Variants in NOTCH2 observed in about 807,000 individuals in gnomAD.
NOTCH2 encodes the protein notch receptor 2, also known as neurogenic locus notch homolog protein 2.
In NOTCH2, 29 loss-of-function variants were observed where a neutral mutation model predicts 235.8. That is an observed-to-expected ratio of 0.12 (90% CI 0.09 to 0.17). The LOEUF (loss-of-function observed/expected upper bound fraction) is 0.17, where lower values mean the gene tolerates loss of function less well. Ranked by LOEUF, NOTCH2 falls within the 10% of genes least tolerant of loss-of-function variation. NOTCH2 has a pLI of 1.00. For missense variants in NOTCH2, 2,285 were observed against 3,150.2 expected (o/e 0.73, Z 6.57); for synonymous variants, 1,086 against 1,141.5 (o/e 0.95, Z 0.98).
At chr1:119,942,873 CTTTT>C (rs587671333) in intron 17 of NOTCH2, among the ~76,000 whole-genome samples, 243 of 128,760 alleles carry the variant, frequency 1.9e-3, no homozygotes, top group African/African-American at 6.8e-3. Flanking sequence ...GTCCATATGT[CTTTT>C]TTTTTTTTTT....
At chr1:119,951,285 G>A (rs1553197783) in intron 14 of NOTCH2, among the ~76,000 whole-genome samples, 1 of 152,138 alleles carries the variant, frequency 6.6e-6, no homozygotes, top group East Asian at 1.9e-4. Context: ...TGAGTAGCTA[G>A]AACCACAGGT....
intron 20 of NOTCH2, 145 bp downstream of exon 20, chr1:119,937,712 G>A: frequency 1.1e-6 from 1 of 896,476 alleles, no homozygotes; most frequent in South Asian, 1.5e-5. Context: ...TACACCTTCT[G>A]TCTTGAGCCC....
At chr1:120,028,449 T>G (rs1653959476) in intron 2 of NOTCH2, among the ~76,000 whole-genome samples, 1 of 152,290 alleles carries the variant, frequency 6.6e-6, no homozygotes, top group African/African-American at 2.4e-5. Flanking sequence ...ACGTTTTTTT[T>G]TCCCCCAGCT....
At chr1:119,947,520 G>C (rs1553197183) in intron 17 of NOTCH2, among the ~76,000 whole-genome samples, 1 of 152,156 alleles carries the variant, frequency 6.6e-6, no homozygotes, top group Non-Finnish European at 1.5e-5. Context: ...GAGTTTGTGA[G>C]CATATGGTTC....
intron 1 of NOTCH2, among the ~76,000 whole-genome samples, chr1:120,045,834 T>C (rs1327290721): frequency 2.0e-5 from 3 of 152,278 alleles, no homozygotes; most frequent in African/African-American, 7.2e-5. Flanking sequence ...CTCTTCAATT[T>C]ACATTCTGGA....
At chr1:119,934,188 G>C (rs1264880428) in intron 22 of NOTCH2, among the ~76,000 whole-genome samples, 2 of 152,218 alleles carry the variant, frequency 1.3e-5, no homozygotes, top group African/African-American at 4.8e-5. Context: ...CTAATGGGAG[G>C]TGTTTGGGTC....
At chr1:119,968,321 A>C in intron 6 of NOTCH2, 89 bp from the exon 7 acceptor site, 4 of 1,340,348 alleles carry the variant, frequency 3.0e-6, no homozygotes, top group Non-Finnish European at 4.2e-6. Context: ...GGAAAACCTC[A>C]TGATCAGTTC....
At chr1:120,002,825 C>T (rs444499) in intron 3 of NOTCH2, among the ~76,000 whole-genome samples, 16,292 of 127,442 alleles carry the variant, frequency 0.13, 1,840 homozygotes, top group African/African-American at 0.28. Flanking sequence ...AGTGTTTCAG[C>T]TGGGGACTGG....
At position 119,915,807 on chromosome 1, in the gene NOTCH2, C is replaced by A. The variant is rs776056001; in HGVS notation, c.6915G>T (p.Val2305=). 3 of 1,613,094 alleles carry A rather than the reference C, an allele frequency of 1.9e-6. No individual in the cohort carries two copies. In the East Asian group the frequency reaches 6.7e-5, roughly 36 times the overall value. The change falls in exon 34 of 34, where the codon GTG becomes GTT. Residue 2305 remains valine (V), a synonymous_variant. Transcript: ENST00000256646. The part of the protein sequence containing the change: ...TTPREPLPPI[V]TFQLIPKGSI... ...TGCCTTTAGGGATGAGCTGGAAAGT[C>A]ACAATGGGGGGCAAGGGCTCCCGAG...
At chr1:119,988,171 C>T (rs587770991) in intron 4 of NOTCH2, among the ~76,000 whole-genome samples, 1 of 152,254 alleles carries the variant, frequency 6.6e-6, no homozygotes, top group South Asian at 2.1e-4. Flanking sequence ...CATTTACAGC[C>T]TTGTGAGTGG....
intron 5 of NOTCH2, among the ~76,000 whole-genome samples, chr1:119,970,464 T>C (rs1651318037): frequency 6.6e-6 from 1 of 152,122 alleles, no homozygotes; most frequent in South Asian, 2.1e-4. Context: ...CACCCATACT[T>C]AAAGGATGGG....
At chr1:120,014,472 A>G (rs1287070999) in intron 2 of NOTCH2, among the ~76,000 whole-genome samples, 1 of 150,186 alleles carries the variant, frequency 6.7e-6, no homozygotes, top group Admixed American at 6.6e-5. Context: ...GTTCAAACAT[A>G]CGCATGGGGT....
At chr1:119,926,286 GGA>G (rs1313563409) in intron 24 of NOTCH2, among the ~76,000 whole-genome samples, 3 of 152,164 alleles carry the variant, frequency 2.0e-5, no homozygotes, top group African/African-American at 7.2e-5. Flanking sequence ...ACTGTTTCTG[GGA>G]GTGTCTAAAC....
At chr1:119,979,034 C>T (rs368467012) in intron 5 of NOTCH2, among the ~76,000 whole-genome samples, 11 of 152,320 alleles carry the variant, frequency 7.2e-5, no homozygotes, top group Non-Finnish European at 1.5e-4. Flanking sequence ...TGCTCCTGTA[C>T]ACTCAAGACA....
At chr1:119,920,151 A>G (rs1379132726) in intron 30 of NOTCH2, 78 bp downstream of exon 30, 4 of 1,543,132 alleles carry the variant, frequency 2.6e-6, no homozygotes, top group Non-Finnish European at 2.7e-6. Flanking sequence ...ATGACTGGAC[A>G]GGGCAAACAC....
chr1:119,970,622 A>G (rs1342001732), intron 5 of NOTCH2, among the ~76,000 whole-genome samples: 1 of 152,240 alleles, frequency 6.6e-6, no homozygotes, highest in African/African-American at 2.4e-5. Context: ...TATAGCAACA[A>G]TGGAGACTAA....
At chr1:119,927,807 G>T (rs1212147955) in intron 23 of NOTCH2, among the ~76,000 whole-genome samples, 2 of 152,142 alleles carry the variant, frequency 1.3e-5, no homozygotes, top group Non-Finnish European at 2.9e-5. Context: ...TGTTCACAAT[G>T]GACTATTTCT....
intron 3 of NOTCH2, among the ~76,000 whole-genome samples, chr1:119,998,834 C>T (rs1165192669): frequency 1.4e-5 from 2 of 142,126 alleles, no homozygotes; most frequent in African/African-American, 2.7e-5. Flanking sequence ...TGCTATCCCT[C>T]CCCCGTCCCA....
At chr1:119,921,846 G>A (rs1649293299) in intron 28 of NOTCH2, 37 bp from the exon 29 acceptor site, 2 of 1,515,272 alleles carry the variant, frequency 1.3e-6, no homozygotes, top group Non-Finnish European at 1.8e-6. Flanking sequence ...AAGAATGGCA[G>A]TCATAAACTA....
Sources: allele counts gnomAD v4.1 joint callset (sites outside exome capture counted in the v4.1 genomes callset), GRCh38; gene constraint gnomAD v4.1.1; transcripts MANE v1.5; gene names NCBI Gene and HGNC (gene_info 2026-07-23, HGNC 2026-07-21).